SPATA7: variants seen among roughly 807,000 people sequenced by gnomAD.
The protein encoded by SPATA7 is spermatogenesis associated 7.
SPATA7 carries 43 observed loss-of-function variants against 51.8 expected under a neutral mutation model. The observed-to-expected ratio is 0.83, with a 90% CI of 0.65 to 1.07. SPATA7 has a LOEUF of 1.07. Ranked by LOEUF, SPATA7 falls within the 50% of genes least tolerant of loss-of-function variation. SPATA7 has a pLI of 0.00. For synonymous variants in SPATA7, 230 were observed against 252.8 expected (o/e 0.91, Z 0.86); for missense variants, 683 against 701.3 (o/e 0.97, Z 0.30).
intron 4 of SPATA7, among the ~76,000 whole-genome samples, chr14:88,402,973 A>AC (rs1416823528): frequency 6.8e-6 from 1 of 147,408 alleles, no homozygotes; most frequent in Non-Finnish European, 1.5e-5. Flanking sequence ...AAAAAAAAAA[A>AC]AAAAAAAAAA....
intron 7 of SPATA7, 142 bp downstream of exon 7, chr14:88,427,838 G>A (rs2076838915): frequency 3.0e-6 from 2 of 669,960 alleles, no homozygotes; most frequent in Non-Finnish European, 5.3e-6. Flanking sequence ...GTATACAGAA[G>A]GTCTGCCTAT....
At chr14:88,436,918 A>G (rs115161433) in intron 10 of SPATA7, among the ~76,000 whole-genome samples, 3,954 of 151,790 alleles carry the variant, frequency 0.026, 180 homozygotes, top group African/African-American at 0.09. Flanking sequence ...GGTCTTTTGT[A>G]GTTTCATGTA....
Position 88,433,191 on chromosome 14 carries a change from A to G in SPATA7, c.1139A>G (p.Lys380Arg), listed in dbSNP as rs2076985974. 6.2e-7 allele frequency: 1 copy of G among 1,610,542 alleles called. No homozygotes were observed. Among genetic ancestry groups the G allele is most frequent in the South Asian group, 1.1e-5 (1 of 90,964 alleles). Residue 380 changes from lysine (K) to arginine (R), a missense_variant, in exon 10 of 12, where the codon AAA becomes AGA. Coordinates refer to ENST00000393545, the MANE Select transcript of SPATA7 (RefSeq NM_018418.5). ...FIEDVTDEIL[K>R]LGLFSNRFLE... ...GAAGATGTAACAGATGAAATTTTGA[A>G]ACTTGGTTTATTTTCAAACAGGTTA... is the stretch of plus-strand genomic sequence containing the variant.
Position 88,431,351 on chromosome 14 carries a change from A to C in SPATA7, c.1082+126A>C, listed in dbSNP as rs180922417. 5,251 of 907,428 alleles carry C rather than the reference A, an allele frequency of 5.8e-3. 27 individuals carry two copies. The highest frequency in any genetic ancestry group is 8.0e-3 in the Non-Finnish European group (4,399 of 549,970). 56.2% of individuals were successfully genotyped at this position (907,428 alleles called of 1,614,324 possible). Reference sequence around the variant, plus strand: ...TTTAAAACTGGCAAGTAATAAATGTACATATTCATGGAGTACCTAGTGATA... The same window carrying C: ...TTTAAAACTGGCAAGTAATAAATGTCCATATTCATGGAGTACCTAGTGATA... On this transcript the variant is annotated intron_variant, in intron 9 of 11. Coordinates refer to ENST00000393545, the MANE Select transcript of SPATA7 (RefSeq NM_018418.5).
At position 88,469,328 on chromosome 14, in the gene SPATA7, T is replaced by C. The variant is rs143772431; in HGVS notation, c.255-519T>C. Among the ~76,000 whole-genome samples, 17 of 152,266 alleles carry C rather than the reference T, an allele frequency of 1.1e-4. No homozygotes were observed. In the East Asian group the frequency reaches 3.3e-3, roughly 29 times the overall value. ...TGGCATTCTACTCACTACCAAATCATAATTTATAAACCTCGTTAACCCTCC... is the reference window on the plus strand; with the variant it reads ...TGGCATTCTACTCACTACCAAATCACAATTTATAAACCTCGTTAACCCTCC... On this transcript the variant is annotated intron_variant, in intron 4 of 4. Coordinates refer to the SPATA7 transcript ENST00000556406. This position sits in a 1 kb window ranked among gnomAD's most constrained non-coding sequence, Gnocchi z 4.3.
rs542765042 is a variant in SPATA7 at position 88,393,628 on chromosome 14, C to T, written c.190+140C>T. The T allele has an allele frequency of 4.3e-5, 30 of 693,892 alleles. No individual in the cohort carries two copies. In the South Asian group the frequency reaches 5.4e-4, roughly 13 times the overall value. The allele number at this position is 693,892 out of a possible 1,614,324, so 43.0% of individuals were successfully genotyped here. On this transcript the variant is annotated intron_variant, in intron 3 of 11. Transcript: ENST00000393545. Reference sequence around the variant, plus strand: ...TTTGTTTGGTTTAGTGTGATACAAACTATTGACTCTAGGTACTTAGCAAAT... The same window carrying T: ...TTTGTTTGGTTTAGTGTGATACAAATTATTGACTCTAGGTACTTAGCAAAT...
intron 3 of SPATA7, among the ~76,000 whole-genome samples, chr14:88,454,531 G>C (rs1238957125): frequency 6.6e-6 from 1 of 152,126 alleles, no homozygotes; most frequent in Non-Finnish European, 1.5e-5. Flanking sequence ...TTAGCTGGCT[G>C]TGGTGGCTCA....
At chr14:88,458,892 A>G (rs550674603), downstream of SPATA7, among the ~76,000 whole-genome samples, 1 of 152,160 alleles carries the variant, frequency 6.6e-6, no homozygotes, top group Non-Finnish European at 1.5e-5. Flanking sequence ...CACTGCTTTA[A>G]ATGTGTCCCA....
exon 4 of SPATA7, chr14:88,455,105 G>A (rs1229853765): frequency 2.2e-6 from 1 of 455,798 alleles, no homozygotes; most frequent in African/African-American, 2.0e-5. Context: ...CCCACTGGAA[G>A]ATGAATAAAG....
At chr14:88,405,578 T>A (rs2076179598) in intron 4 of SPATA7, among the ~76,000 whole-genome samples, 1 of 152,162 alleles carries the variant, frequency 6.6e-6, no homozygotes, top group African/African-American at 2.4e-5. Context: ...GTAGATGTAG[T>A]GTGAGAGAGA....
intron 6 of SPATA7, 54 bp from the exon 7 acceptor site, chr14:88,427,576 C>A: frequency 1.6e-6 from 2 of 1,239,538 alleles, no homozygotes; most frequent in Non-Finnish European, 2.3e-6. Flanking sequence ...AACCTTGTTA[C>A]CACAGTGCTT....
chr14:88,385,987 G>C lies in SPATA7; in HGVS notation c.19+150G>C, dbSNP rs1195278618. The C allele has an allele frequency of 2.0e-6, 3 of 1,503,802 alleles. No homozygotes were observed. The South Asian group carries it at 3.7e-5, about 18-fold the overall frequency. 93.2% of individuals were successfully genotyped at this position (1,503,802 alleles called of 1,614,324 possible). A position where few individuals can be genotyped will look rare whatever the true frequency, so the allele number is the denominator to read the frequency against. ...CGCCAGTGTTGCCTGGAGCTGCCCAGGCCTGCGCAAAGGAAGAGGGAGAGC... is the reference window on the plus strand; with the variant it reads ...CGCCAGTGTTGCCTGGAGCTGCCCACGCCTGCGCAAAGGAAGAGGGAGAGC... On this transcript the variant is annotated intron_variant, in intron 1 of 11. Coordinates refer to ENST00000393545, the MANE Select transcript of SPATA7 (RefSeq NM_018418.5).
At chr14:88,444,615 T>C (rs1025522172) in intron 3 of SPATA7, among the ~76,000 whole-genome samples, 8 of 152,166 alleles carry the variant, frequency 5.3e-5, no homozygotes, top group Non-Finnish European at 8.8e-5. Context: ...TTTATGGTTT[T>C]AGGTCTAACG....
At chr14:88,425,770 G>A (rs560485420) in intron 5 of SPATA7, among the ~76,000 whole-genome samples, 6 of 152,146 alleles carry the variant, frequency 3.9e-5, no homozygotes, top group Admixed American at 3.9e-4. Flanking sequence ...ACATTATGAG[G>A]AGAAGTTCCT....
intron 3 of SPATA7, among the ~76,000 whole-genome samples, chr14:88,454,540 C>A (rs771191050): frequency 6.6e-6 from 1 of 152,098 alleles, no homozygotes; most frequent in Non-Finnish European, 1.5e-5. Flanking sequence ...TGTGGTGGCT[C>A]ACCTATAATC....
intron 1 of SPATA7, among the ~76,000 whole-genome samples, chr14:88,390,591 A>T (rs984495702): frequency 6.6e-6 from 1 of 152,144 alleles, no homozygotes; most frequent in Non-Finnish European, 1.5e-5. Flanking sequence ...AGCTGTCCAC[A>T]TTTGGGTTTT....
intron 4 of SPATA7, among the ~76,000 whole-genome samples, chr14:88,409,763 G>A (rs2076290636): frequency 6.6e-6 from 1 of 152,170 alleles, no homozygotes; most frequent in African/African-American, 2.4e-5. Flanking sequence ...TGCTTTAGCT[G>A]TGTCCCAGAG....
At chr14:88,444,360 G>A (rs1232911378) in intron 3 of SPATA7, among the ~76,000 whole-genome samples, 6 of 152,018 alleles carry the variant, frequency 3.9e-5, no homozygotes. Flanking sequence ...ATTTGTTTGA[G>A]TTCGTTGTAG....
chr14:88,389,457 A>G (rs79166931), intron 1 of SPATA7, among the ~76,000 whole-genome samples: 5,359 of 152,186 alleles, frequency 0.035, 309 homozygotes, highest in African/African-American at 0.12. Flanking sequence ...AGCCTGCCTC[A>G]GTCTCCCAAA....
Sources: allele counts gnomAD v4.1 joint callset (sites outside exome capture counted in the v4.1 genomes callset), GRCh38; gene constraint gnomAD v4.1.1; non-coding constraint Gnocchi (gnomAD v3.1); transcripts MANE v1.5; gene names NCBI Gene and HGNC (gene_info 2026-07-23, HGNC 2026-07-21).